Variants in ANKRD13C observed in about 807,000 individuals in gnomAD.
The protein encoded by ANKRD13C is ankyrin repeat domain 13C.
Under a neutral mutation model 65.5 loss-of-function variants are expected in ANKRD13C, and 16 were observed. The ratio of observed to expected loss-of-function variants is 0.24; its 90% CI spans 0.17 to 0.37. ANKRD13C has a LOEUF of 0.37. Ranked by LOEUF, ANKRD13C falls within the 10% of genes least tolerant of loss-of-function variation. The pLI is 1.00. For synonymous variants in ANKRD13C, 235 were observed against 238.7 expected (o/e 0.98, Z 0.14); for missense variants, 503 against 655.9 (o/e 0.77, Z 2.55).
intron 5 of ANKRD13C, among the ~76,000 whole-genome samples, chr1:70,311,285 G>A (rs1159164686): frequency 2.0e-5 from 3 of 152,134 alleles, no homozygotes; most frequent in Non-Finnish European, 4.4e-5. Context: ...CAGAGGTCAG[G>A]AGTTCGAGAC....
chr1:70,312,667 C>CAAAAAAA, intron 5 of ANKRD13C, among the ~76,000 whole-genome samples: 1 of 115,136 alleles, frequency 8.7e-6, no homozygotes, highest in Non-Finnish European at 1.9e-5. Context: ...ACTCTGTCTC[C>CAAAAAAA]AAAAAAAAAA....
chr1:70,276,820 G>A lies in ANKRD13C; in HGVS notation c.1240C>T (p.Pro414Ser), dbSNP rs1197170288. Residue 414 changes from proline to serine, a missense_variant, in exon 10 of 13, where the codon CCT (proline) becomes TCT (serine). Around this residue, in one of 2 missense-constraint regions of ANKRD13C, gnomAD observed 300 missense variants for 478.3 expected, o/e 0.63. Coordinates refer to ENST00000370944, the MANE Select transcript of ANKRD13C (RefSeq NM_030816.5). ...FEPIRRQSLT[P>S]PPQNTITWEE... is the part of the protein sequence containing the mutation. ...CATGTAATAGTGTTCTGAGGAGGAG[G>A]TGTAAGAGACTGTCTTCGAATCGGC... 6.2e-7 allele frequency: 1 copy of A among 1,602,304 alleles called. No homozygotes were observed. Among genetic ancestry groups the A allele is most frequent in the Admixed American group, 1.7e-5 (1 of 57,770 alleles).
chr1:70,338,743 A>G (rs1422219114), intron 1 of ANKRD13C, among the ~76,000 whole-genome samples: 1 of 152,156 alleles, frequency 6.6e-6, no homozygotes, highest in Non-Finnish European at 1.5e-5. Context: ...ATAGATTAGG[A>G]GCCGTCTGTG....
At chr1:70,274,870 C>T in intron 10 of ANKRD13C, 52 bp from the exon 11 acceptor site, 1 of 1,110,612 alleles carries the variant, frequency 9.0e-7, no homozygotes, top group Non-Finnish European at 1.4e-6. Flanking sequence ...AGTCTATCAC[C>T]TTCCTAAGAA....
chr1:70,286,348 T>TA (rs1333661628), intron 9 of ANKRD13C, among the ~76,000 whole-genome samples: 2 of 152,220 alleles, frequency 1.3e-5, no homozygotes, highest in South Asian at 2.1e-4. Context: ...TTCTTCATTC[T>TA]AAAAAAATTT....
At chr1:70,318,124 T>C (rs187086370) in intron 3 of ANKRD13C, among the ~76,000 whole-genome samples, 1 of 152,342 alleles carries the variant, frequency 6.6e-6, no homozygotes, top group African/African-American at 2.4e-5. Context: ...TTCTTATGGA[T>C]GCACATTCAG....
intron 5 of ANKRD13C, among the ~76,000 whole-genome samples, chr1:70,306,585 A>T: frequency 6.6e-6 from 1 of 152,214 alleles, no homozygotes; most frequent in Non-Finnish European, 1.5e-5. Context: ...ATTATAGATG[A>T]GTAAACAATA....
chr1:70,344,529 ATGTGT>A (rs1006770793), intron 1 of ANKRD13C, among the ~76,000 whole-genome samples: 4 of 152,144 alleles, frequency 2.6e-5, no homozygotes, highest in Non-Finnish European at 5.9e-5. Context: ...TATCTATTAA[ATGTGT>A]TGGGCACTAT....
rs555318462 is a variant in ANKRD13C at position 70,300,543 on chromosome 1, A to G, written c.921+221T>C. Among the ~76,000 whole-genome samples, 6 of 152,186 alleles carry G rather than the reference A, an allele frequency of 3.9e-5. No individual in the cohort carries two copies. In the Middle Eastern group the frequency reaches 0.01, roughly 259 times the overall value. On this transcript the variant is annotated intron_variant, in intron 7 of 12. Coordinates refer to ENST00000370944, the MANE Select transcript of ANKRD13C (RefSeq NM_030816.5). ...GCGGAGGTTGCAGTGAGCCTAGATC[A>G]CGCCACTGCATTTCAGCCTGGGTGA... is the stretch of plus-strand genomic sequence containing the variant.
At chr1:70,337,982 C>T (rs1241565546) in intron 1 of ANKRD13C, among the ~76,000 whole-genome samples, 1 of 152,028 alleles carries the variant, frequency 6.6e-6, no homozygotes, top group African/African-American at 2.4e-5. Context: ...GCCTGTAATC[C>T]CAGCTACTGA....
chr1:70,350,533 A>C (rs1249355361), intron 1 of ANKRD13C, among the ~76,000 whole-genome samples: 1 of 152,236 alleles, frequency 6.6e-6, no homozygotes, highest in Non-Finnish European at 1.5e-5. Context: ...AAGAAATAAC[A>C]AACAAGGCTA....
At position 70,315,346 on chromosome 1, in the gene ANKRD13C, C is replaced by T. The variant is rs1681030386; in HGVS notation, c.663+135G>A. Reference sequence around the variant, plus strand: ...GATCACATTCATACACTAATTATTGCTTAATTTAAGCATGATTTTTACCAT... The same window carrying T: ...GATCACATTCATACACTAATTATTGTTTAATTTAAGCATGATTTTTACCAT... On this transcript the variant is annotated intron_variant, in intron 4 of 12. Transcript: ENST00000370944. 5 of 617,444 alleles carry T rather than the reference C, an allele frequency of 8.1e-6. No homozygotes were observed. In the South Asian group the frequency reaches 1.2e-4, roughly 14 times the overall value. 38.2% of individuals were successfully genotyped at this position (617,444 alleles called of 1,614,324 possible).
chr1:70,291,233 C>T (rs1208254890), intron 9 of ANKRD13C, among the ~76,000 whole-genome samples: 1 of 152,016 alleles, frequency 6.6e-6, no homozygotes, highest in Admixed American at 6.6e-5. Flanking sequence ...GTTGGCCAAG[C>T]TGGTCTTGAA....
At chr1:70,324,149 T>A (rs767887809) in intron 3 of ANKRD13C, among the ~76,000 whole-genome samples, 2 of 152,210 alleles carry the variant, frequency 1.3e-5, no homozygotes, top group African/African-American at 2.4e-5. Flanking sequence ...CAACGTTTTT[T>A]ATTTCCTTCC....
intron 1 of ANKRD13C, among the ~76,000 whole-genome samples, chr1:70,342,056 G>A (rs1035479562): frequency 6.6e-6 from 1 of 151,694 alleles, no homozygotes; most frequent in Non-Finnish European, 1.5e-5. Flanking sequence ...TGACTGGCTT[G>A]AGCAACTAGA....
At chr1:70,292,363 A>G in intron 9 of ANKRD13C, 25 bp downstream of exon 9, 1 of 1,540,350 alleles carries the variant, frequency 6.5e-7, no homozygotes, top group Non-Finnish European at 8.7e-7. Flanking sequence ...AGAAAACTAC[A>G]AATTAGAAGA....
At chr1:70,318,787 AT>A (rs1306021060) in intron 3 of ANKRD13C, among the ~76,000 whole-genome samples, 1 of 143,022 alleles carries the variant, frequency 7.0e-6, no homozygotes, top group Non-Finnish European at 1.5e-5. Context: ...GGTTCAAGCT[AT>A]TCTCCTGCCT....
At chr1:70,283,504 T>A (rs938223118) in intron 9 of ANKRD13C, among the ~76,000 whole-genome samples, 3 of 151,588 alleles carry the variant, frequency 2.0e-5, no homozygotes, top group Non-Finnish European at 2.9e-5. Context: ...GTATTCCTCT[T>A]TAGATTTTTA....
intron 9 of ANKRD13C, among the ~76,000 whole-genome samples, chr1:70,279,216 T>G (rs1679274652): frequency 6.6e-6 from 1 of 151,334 alleles, no homozygotes; most frequent in Non-Finnish European, 1.5e-5. Flanking sequence ...CAAAAGAAAT[T>G]AAAAAAGAGA....
Sources: gnomAD v4.1 joint callset for allele counts (sites outside exome capture counted in the v4.1 genomes callset) on GRCh38, gnomAD v4.1.1 for gene constraint, gnomAD v4.1.1 regional missense constraint, MANE v1.5 for transcripts, NCBI Gene and HGNC (gene_info 2026-07-23, HGNC 2026-07-21) for gene names.